Variants in REPS2 observed in about 807,000 individuals in gnomAD.
REPS2 encodes the protein ralBP1-associated Eps domain-containing protein 2.
REPS2 carries 23 observed loss-of-function variants against 53.6 expected under a neutral mutation model. That is an observed-to-expected ratio of 0.43 (90% CI 0.31 to 0.61). The LOEUF (loss-of-function observed/expected upper bound fraction) is 0.61. Among genes scored for constraint, REPS2 ranks in the 20% least tolerant of loss-of-function variants. The probability of loss-of-function intolerance (pLI) is 0.11; values close to 1 mark genes in which losing one functional copy is unlikely to be tolerated. For synonymous variants in REPS2, 238 were observed against 218.6 expected (o/e 1.09, Z -0.78); for missense variants, 446 against 534.9 (o/e 0.83, Z 1.64).
intron 17 of REPS2, among the ~76,000 whole-genome samples, chrX:17,139,572 G>T (rs2063416465): frequency 3.6e-5 from 4 of 111,214 alleles, no homozygotes; most frequent in Admixed American, 2.8e-4. Flanking sequence ...AAATGTGGTG[G>T]CTTAAGATAA....
At chrX:17,062,300 A>C (rs778940543) in intron 8 of REPS2, 138 bp from the exon 9 acceptor site, 3 of 446,515 alleles carry the variant, frequency 6.7e-6, no homozygotes, top group Non-Finnish European at 1.1e-5. Flanking sequence ...CTACCTCAGC[A>C]TGATGAATGC....
rs1227638602 is a variant in REPS2 at position 17,103,698 on chromosome X, G to A, written c.1517-20G>A. 8.3e-7 allele frequency: 1 copy of A among 1,204,233 alleles called. No individual in the cohort carries two copies. ...TATTTTTGGGGGGTGATCCTTAATA[G>A]TATGTGTTTTTCTTTTCAGCTACCA... On this transcript the variant is annotated intron_variant, in intron 13 of 17. Transcript: ENST00000357277.
intron 1 of REPS2, among the ~76,000 whole-genome samples, chrX:16,994,291 A>G (rs1202712160): frequency 8.9e-6 from 1 of 111,756 alleles, no homozygotes; most frequent in African/African-American, 3.3e-5. Context: ...AATATATTTT[A>G]TATGTGTGTG....
At chrX:17,030,194 C>T (rs1357968184) in intron 5 of REPS2, among the ~76,000 whole-genome samples, 1 of 111,911 alleles carries the variant, frequency 8.9e-6, no homozygotes, top group Non-Finnish European at 1.9e-5. Context: ...ACAATTTCAG[C>T]TTCCCTTTCT....
intron 13 of REPS2, among the ~76,000 whole-genome samples, chrX:17,083,072 G>A (rs1017910583): frequency 4.4e-4 from 46 of 103,721 alleles, no homozygotes; most frequent in African/African-American, 1.6e-3. Context: ...GAAATGTTCC[G>A]AGCACTTTTT....
At chrX:17,013,810 A>AC (rs1402061963) in intron 2 of REPS2, among the ~76,000 whole-genome samples, 1 of 108,775 alleles carries the variant, frequency 9.2e-6, no homozygotes, top group African/African-American at 3.4e-5. Context: ...AATTTCCTTT[A>AC]CCCCCTCTCC....
At chrX:17,120,147 T>A (rs1261379410) in intron 14 of REPS2, among the ~76,000 whole-genome samples, 3 of 111,660 alleles carry the variant, frequency 2.7e-5, no homozygotes, top group Non-Finnish European at 3.8e-5. Flanking sequence ...AGTGTTGGGA[T>A]TACAGGCGTG....
At chrX:17,000,046 CAAAA>C (rs61082179) in intron 1 of REPS2, among the ~76,000 whole-genome samples, 3 of 27,105 alleles carry the variant, frequency 1.1e-4, no homozygotes, top group Non-Finnish European at 1.5e-4. Context: ...GACTCCGTCT[CAAAA>C]AAAAAAAAAA....
At chrX:17,090,099 G>A (rs1237473663) in intron 13 of REPS2, among the ~76,000 whole-genome samples, 2 of 111,864 alleles carry the variant, frequency 1.8e-5, no homozygotes, top group Admixed American at 1.9e-4. Flanking sequence ...ATCTCACTGT[G>A]GTTTTGATTT....
intron 16 of REPS2, 75 bp downstream of exon 16, chrX:17,135,481 C>A: frequency 1.9e-6 from 2 of 1,045,601 alleles, no homozygotes; most frequent in Non-Finnish European, 1.3e-6. Context: ...AATGTGTTGA[C>A]ATTTACGTGC....
downstream of REPS2, among the ~76,000 whole-genome samples, chrX:17,153,711 G>C (rs76739801): frequency 9.1e-6 from 1 of 110,158 alleles, no homozygotes; most frequent in Non-Finnish European, 1.9e-5. Flanking sequence ...GAATAATTTG[G>C]GGAGGCACCT....
chrX:17,030,924 G>A (rs1223265054), intron 5 of REPS2, among the ~76,000 whole-genome samples: 1 of 112,077 alleles, frequency 8.9e-6, no homozygotes, highest in African/African-American at 3.2e-5. Context: ...AAGAAACGTT[G>A]GGTGTAGTAA....
chrX:17,113,008 T>G (rs924733065), intron 14 of REPS2, among the ~76,000 whole-genome samples: 1 of 91,336 alleles, frequency 1.1e-5, no homozygotes, highest in African/African-American at 4.2e-5. Flanking sequence ...AGGAGAATGG[T>G]GTGAACCCAG....
In REPS2 at chrX:17,006,311, G is replaced by A; in HGVS notation, c.364G>A (p.Gly122Ser). 8.3e-7 allele frequency: 1 copy of A among 1,210,056 alleles called. No individual in the cohort carries two copies. The highest frequency in any genetic ancestry group is 1.1e-6 in the Non-Finnish European group (1 of 894,031). The change falls in exon 2 of 18, where the codon GGC (glycine) becomes AGC (serine). Residue 122 changes from glycine (G) to serine (S), a missense_variant. Gly to Ser is a moderately conservative substitution (Grantham distance 56). Transcript: ENST00000357277. Reference protein sequence around the residue: ...ALKLIAAAQSGLPVRIESIKC... With the variant: ...ALKLIAAAQSSLPVRIESIKC... ...GAAATTAATTGCTGCAGCACAATCT[G>A]GCCTCCCGGTACGGATAGAGAGTAT...
At chrX:16,970,545 A>G (rs2060875839) in intron 1 of REPS2, among the ~76,000 whole-genome samples, 1 of 112,363 alleles carries the variant, frequency 8.9e-6, no homozygotes, top group African/African-American at 3.2e-5. Flanking sequence ...TGTAATTCAC[A>G]TACCATATAG....
At chrX:16,993,365 A>T (rs1249706780) in intron 1 of REPS2, among the ~76,000 whole-genome samples, 1 of 112,113 alleles carries the variant, frequency 8.9e-6, no homozygotes, top group African/African-American at 3.2e-5. Flanking sequence ...AGGTAGAGTC[A>T]GTTTCTCTAT....
the REPS2 span, among the ~76,000 whole-genome samples, chrX:17,184,888 T>A: frequency 1.2e-4 from 14 of 112,447 alleles, no homozygotes; most frequent in Non-Finnish European, 2.4e-4. Context: ...ATCCATATTA[T>A]CATGGCCATC....
chrX:17,181,587 C>T, the REPS2 span, among the ~76,000 whole-genome samples: 1 of 112,149 alleles, frequency 8.9e-6, no homozygotes, highest in African/African-American at 3.2e-5. Context: ...TGAGCCTGGC[C>T]TAGCTCAGGA....
Position 17,042,132 on chromosome X carries a change from C to G in REPS2, c.772-5215C>G, listed in dbSNP as rs1014386971. On this transcript the variant is annotated intron_variant, in intron 5 of 17. Coordinates refer to ENST00000357277, the MANE Select transcript of REPS2 (RefSeq NM_004726.3). ...ACCATATGTATGTGGCTTAAGCAGA[C>G]AGATGTGAAAGATTTCTCCCTCTCT... Among the ~76,000 whole-genome samples, 3 of 112,094 alleles carry G rather than the reference C, an allele frequency of 2.7e-5. No homozygotes were observed. In the Admixed American group the frequency reaches 2.8e-4, roughly 11 times the overall value.
Sources: allele counts gnomAD v4.1 joint callset (sites outside exome capture counted in the v4.1 genomes callset), GRCh38; gene constraint gnomAD v4.1.1; transcripts MANE v1.5; gene names NCBI Gene and HGNC (gene_info 2026-07-23, HGNC 2026-07-21).